The following HSD17B2 variants were observed in gnomAD, a reference collection of about 807,000 sequenced individuals.
The protein encoded by HSD17B2 is 17-beta-hydroxysteroid dehydrogenase type 2.
HSD17B2 carries 32 observed loss-of-function variants against 26.9 expected under a neutral mutation model. The ratio of observed to expected loss-of-function variants is 1.19; its 90% CI spans 0.90 to 1.60. The LOEUF (loss-of-function observed/expected upper bound fraction) is 1.60. Among genes scored for constraint, HSD17B2 ranks in the 40% most tolerant of loss-of-function variants. The pLI is 0.00. For missense variants in HSD17B2, 613 were observed against 468.6 expected, an observed-to-expected ratio of 1.31 and a Z score of -2.85; for synonymous variants, 246 against 186.7, an observed-to-expected ratio of 1.32 and a Z score of -2.59.
intron 4 of HSD17B2, chr16:82,095,272 C>T (rs898048076): frequency 2.0e-5 from 3 of 152,178 alleles, no homozygotes; most frequent in Admixed American, 2.0e-4. Flanking sequence ...TCATGATAAT[C>T]ATTTCTTTAA....
intron 1 of HSD17B2, among the ~76,000 whole-genome samples, chr16:82,039,248 T>TACACACACAC (rs56169712): frequency 1.4e-5 from 2 of 145,288 alleles, no homozygotes; most frequent in African/African-American, 5.1e-5. Context: ...TGGAAAATAA[T>TACACACACAC]ACACACACAC....
intron 1 of HSD17B2, among the ~76,000 whole-genome samples, chr16:82,048,253 G>A (rs1913997829): frequency 6.6e-6 from 1 of 152,190 alleles, no homozygotes; most frequent in East Asian, 1.9e-4. Context: ...TATAGGATAG[G>A]AGGTGGAAGG....
intron 1 of HSD17B2, among the ~76,000 whole-genome samples, chr16:82,050,807 GTTTTGT>G (rs957087630): frequency 1.3e-5 from 2 of 152,072 alleles, no homozygotes; most frequent in Non-Finnish European, 2.9e-5. Flanking sequence ...TCATGCTTTT[GTTTTGT>G]TTTTGTTTTT....
intron 1 of HSD17B2, chr16:82,062,960 A>C (rs531805309): frequency 6.6e-6 from 1 of 152,282 alleles, no homozygotes; most frequent in African/African-American, 2.4e-5. Flanking sequence ...CTCTAACATC[A>C]TAAGTCAGAA....
chr16:82,043,672 A>G, intron 1 of HSD17B2, among the ~76,000 whole-genome samples: 1 of 119,754 alleles, frequency 8.4e-6, no homozygotes, highest in Non-Finnish European at 1.5e-5. Context: ...GCGACAAGGC[A>G]AAACTCTGTC....
intron 1 of HSD17B2, among the ~76,000 whole-genome samples, chr16:82,059,606 T>C (rs1213202376): frequency 6.6e-6 from 1 of 152,166 alleles, no homozygotes; most frequent in Non-Finnish European, 1.5e-5. Flanking sequence ...GGAGTATTTG[T>C]CTTCTGTGGG....
chr16:82,054,465 C>G (rs961143319), intron 1 of HSD17B2, among the ~76,000 whole-genome samples: 1 of 152,128 alleles, frequency 6.6e-6, no homozygotes, highest in African/African-American at 2.4e-5. Flanking sequence ...CTGCTTCAGC[C>G]TCCCAAGTAG....
At chr16:82,084,824 T>G (rs1366019903) in intron 3 of HSD17B2, among the ~76,000 whole-genome samples, 2 of 152,170 alleles carry the variant, frequency 1.3e-5, no homozygotes, top group African/African-American at 4.8e-5. Flanking sequence ...CCTTGAACTC[T>G]TGGGCTCAAG....
intron 3 of HSD17B2, among the ~76,000 whole-genome samples, chr16:82,081,345 C>G (rs149667839): frequency 3.3e-5 from 5 of 152,124 alleles, no homozygotes; most frequent in African/African-American, 1.2e-4. Flanking sequence ...TCAACCTTTC[C>G]TCCTTCCTCC....
intron 4 of HSD17B2, chr16:82,094,638 G>C (rs1460911217): frequency 6.6e-6 from 1 of 152,188 alleles, no homozygotes; most frequent in African/African-American, 2.4e-5. Flanking sequence ...CATGTTTGGA[G>C]AATGACACTT....
chr16:82,053,717 T>C (rs932806152), intron 1 of HSD17B2, among the ~76,000 whole-genome samples: 1 of 152,184 alleles, frequency 6.6e-6, no homozygotes, highest in Non-Finnish European at 1.5e-5. Flanking sequence ...GATGTTCTAT[T>C]AACTCTGAGA....
chr16:82,098,094 C>T lies in HSD17B2; in HGVS notation c.822C>T (p.Asp274=), dbSNP rs1329154512. The stretch of plus-strand genomic sequence containing the variant: ...CCCCAGATATCGCAGGCACCAGTGA[C>T]AAGTGGGAAAAGCTGGAGAAGGACA... ...GFLTNIAGTS[D]KWEKLEKDIL... is the part of the protein sequence containing the mutation. Residue 274 remains aspartate, a synonymous_variant, in exon 5 of 5, where the codon GAC becomes GAT. Coordinates refer to ENST00000199936, the MANE Select transcript of HSD17B2 (RefSeq NM_002153.3). 6.2e-7 allele frequency: 1 copy of T among 1,612,766 alleles called. No homozygotes were observed. Among genetic ancestry groups the T allele is most frequent in the African/African-American group, 1.3e-5 (1 of 74,904 alleles).
intron 1 of HSD17B2, among the ~76,000 whole-genome samples, chr16:82,059,888 T>C (rs1212715958): frequency 6.6e-6 from 1 of 152,104 alleles, no homozygotes; most frequent in African/African-American, 2.4e-5. Context: ...TCATAAAGGT[T>C]ATGTTCCAAG....
intron 1 of HSD17B2, among the ~76,000 whole-genome samples, chr16:82,044,129 A>G (rs1913846414): frequency 6.6e-6 from 1 of 152,138 alleles, no homozygotes; most frequent in African/African-American, 2.4e-5. Context: ...TTCTTTCTTG[A>G]CATTCCTCTG....
intron 1 of HSD17B2, among the ~76,000 whole-genome samples, chr16:82,049,690 G>C (rs1004401498): frequency 2.8e-4 from 43 of 152,204 alleles, no homozygotes; most frequent in Non-Finnish European, 1.2e-4. Flanking sequence ...GGAACAAAAG[G>C]TCTGGAACTG....
intron 3 of HSD17B2, among the ~76,000 whole-genome samples, chr16:82,087,327 A>C (rs1904556253): frequency 6.6e-6 from 1 of 152,168 alleles, no homozygotes; most frequent in Non-Finnish European, 1.5e-5. Flanking sequence ...TAAATTAAAA[A>C]ATTAGAGGCT....
intron 3 of HSD17B2, among the ~76,000 whole-genome samples, chr16:82,082,654 GATA>G (rs1210578576): frequency 6.6e-6 from 1 of 152,048 alleles, no homozygotes; most frequent in African/African-American, 2.4e-5. Context: ...GGTTCCTGAG[GATA>G]ATACTAGAAT....
chr16:82,097,529 T>G (rs1009615314), intron 4 of HSD17B2: 1 of 152,112 alleles, frequency 6.6e-6, no homozygotes, highest in East Asian at 1.9e-4. Flanking sequence ...GTTTTGTTCT[T>G]GATCTGTTTG....
intron 1 of HSD17B2, among the ~76,000 whole-genome samples, chr16:82,040,073 G>C (rs1913728248): frequency 6.6e-6 from 1 of 152,238 alleles, no homozygotes; most frequent in Admixed American, 6.5e-5. Flanking sequence ...AATAAGGCTT[G>C]CTGCATTAGA....
Sources: allele counts gnomAD v4.1 joint callset (sites outside exome capture counted in the v4.1 genomes callset), GRCh38; gene constraint gnomAD v4.1.1; transcripts MANE v1.5; gene names NCBI Gene and HGNC (gene_info 2026-07-23, HGNC 2026-07-21).